EIF4E: variants seen among roughly 807,000 people sequenced by gnomAD.
The protein encoded by EIF4E is eIF-4F 25 kDa subunit.
For missense variants in EIF4E, 113 were observed against 265.6 expected, an observed-to-expected ratio of 0.43 and a Z score of 3.99; for synonymous variants, 71 against 88.5, an observed-to-expected ratio of 0.80 and a Z score of 1.11.
intron 1 of EIF4E, among the ~76,000 whole-genome samples, chr4:98,913,375 G>C (rs1375822147): frequency 1.3e-5 from 2 of 151,106 alleles, no homozygotes; most frequent in Non-Finnish European, 2.9e-5. Context: ...CTATTACTTA[G>C]GCTGGAGTGC....
chr4:98,917,083 AACACACACACACACACACACACACACAC>A (rs751653561), intron 1 of EIF4E, among the ~76,000 whole-genome samples: 11 of 102,928 alleles, frequency 1.1e-4, no homozygotes, highest in Non-Finnish European at 2.0e-4. Context: ...ACCTTTTCTA[AACACACACACACACACACACACACACAC>A]ACACACACAC....
At chr4:98,902,645 T>C (rs1724700744) in intron 1 of EIF4E, among the ~76,000 whole-genome samples, 1 of 152,120 alleles carries the variant, frequency 6.6e-6, no homozygotes, top group Admixed American at 6.5e-5. Context: ...ATACTGCATA[T>C]GGTACTGAAG....
At chr4:98,892,476 C>T (rs1724191682) in intron 2 of EIF4E, among the ~76,000 whole-genome samples, 1 of 151,454 alleles carries the variant, frequency 6.6e-6, no homozygotes, top group Non-Finnish European at 1.5e-5. Context: ...GTCAGGAGTT[C>T]GAGACCAGCC....
At chr4:98,893,066 A>G (rs1724224889) in intron 2 of EIF4E, among the ~76,000 whole-genome samples, 1 of 152,150 alleles carries the variant, frequency 6.6e-6, no homozygotes, top group South Asian at 2.1e-4. Flanking sequence ...AGTCACACAA[A>G]TTTTTTGGTT....
chr4:98,885,246 T>G (rs1331280221), intron 5 of EIF4E, among the ~76,000 whole-genome samples, 185 bp from the exon 6 acceptor site: 1 of 152,248 alleles, frequency 6.6e-6, no homozygotes, highest in Non-Finnish European at 1.5e-5. Context: ...TTCATTTATT[T>G]ACTATCAAAT....
chr4:98,919,337 A>G (rs559466255), intron 1 of EIF4E, among the ~76,000 whole-genome samples: 5 of 150,946 alleles, frequency 3.3e-5, no homozygotes, highest in African/African-American at 1.2e-4. Flanking sequence ...ACTAGCAAAA[A>G]AAAAAAAAAC....
chr4:98,889,736 T>G (rs566133038), intron 3 of EIF4E, among the ~76,000 whole-genome samples: 2 of 152,328 alleles, frequency 1.3e-5, no homozygotes, highest in African/African-American at 4.8e-5. Flanking sequence ...GGTAGAATTA[T>G]GTAAACTGGT....
intron 1 of EIF4E, among the ~76,000 whole-genome samples, chr4:98,911,740 T>C (rs1000323107): frequency 6.6e-6 from 1 of 151,098 alleles, no homozygotes; most frequent in Non-Finnish European, 1.5e-5. Flanking sequence ...TAAAGAACAT[T>C]CTTAAGGGAG....
intron 1 of EIF4E, chr4:98,909,621 C>G (rs1275654446): frequency 5.9e-6 from 4 of 681,866 alleles, no homozygotes; most frequent in Non-Finnish European, 1.1e-5. Context: ...TTTCTAAAAT[C>G]TGCCAAAGAA....
rs1285866525 is a variant in EIF4E at position 98,917,130 on chromosome 4, ACAC to A, written c.18+11962_18+11964del. ...CACACACACACACACACACACACAC[ACAC>A]AAAAAAAACCCAAATGCTCAAGTGT... is the stretch of plus-strand genomic sequence containing the variant. On this transcript the variant is annotated intron_variant, in intron 1 of 6. Transcript: ENST00000450253. 6.9e-3 allele frequency among the ~76,000 whole-genome samples: 281 copies of A among 41,006 alleles called. 2 individuals carry two copies. The highest frequency in any genetic ancestry group is 9.0e-3 in the South Asian group (17 of 1,898). The allele number at this position is 41,006 out of a possible 152,430, so 26.9% of individuals were successfully genotyped here.
chr4:98,900,899 T>G (rs1724615028), intron 2 of EIF4E, among the ~76,000 whole-genome samples: 1 of 152,188 alleles, frequency 6.6e-6, no homozygotes, highest in Non-Finnish European at 1.5e-5. Context: ...AAACTCCACA[T>G]TCCCTGGCTC....
At chr4:98,927,993 T>C (rs1397984654) in intron 1 of EIF4E, among the ~76,000 whole-genome samples, 2 of 152,104 alleles carry the variant, frequency 1.3e-5, no homozygotes, top group East Asian at 3.9e-4. Context: ...CAGTTAAGTT[T>C]AAAATGGTGC....
intron 6 of EIF4E, among the ~76,000 whole-genome samples, chr4:98,884,038 CA>C (rs11438126): frequency 1.9e-3 from 191 of 102,878 alleles, no homozygotes; most frequent in Non-Finnish European, 2.3e-3. Context: ...GACCCTGTCT[CA>C]AAAAAAAAAA....
chr4:98,899,154 CTTGGGTGAG>C (rs1325449713), intron 2 of EIF4E, among the ~76,000 whole-genome samples: 1 of 151,766 alleles, frequency 6.6e-6, no homozygotes, highest in Non-Finnish European at 1.5e-5. Context: ...ACTTCCCTGC[CTTGGGTGAG>C]TTAGCACTCT....
At position 98,917,128 on chromosome 4, in the gene EIF4E, AC is replaced by A. The variant is rs1560652660; in HGVS notation, c.18+11966del. On this transcript the variant is annotated intron_variant, in intron 1 of 6. Transcript: ENST00000450253. Reference sequence around the variant, plus strand: ...CACACACACACACACACACACACACACACACAAAAAAAACCCAAATGCTCAA... The same window carrying A: ...CACACACACACACACACACACACACAACACAAAAAAAACCCAAATGCTCAA... 5.1e-3 allele frequency among the ~76,000 whole-genome samples: 242 copies of A among 47,616 alleles called. 1 individual carries two copies. Among genetic ancestry groups the A allele is most frequent in the South Asian group, 7.9e-3 (17 of 2,140 alleles). The allele number at this position is 47,616 out of a possible 152,430, so 31.2% of individuals were successfully genotyped here. A position where few individuals can be genotyped will look rare whatever the true frequency, so the allele number is the denominator to read the frequency against.
intron 1 of EIF4E, among the ~76,000 whole-genome samples, chr4:98,912,794 T>G (rs980526233): frequency 7.9e-5 from 12 of 152,156 alleles, no homozygotes; most frequent in Non-Finnish European, 1.5e-4. Context: ...TATTTAAACG[T>G]TTATACATTT....
chr4:98,915,833 C>A (rs1056153905), intron 1 of EIF4E, among the ~76,000 whole-genome samples: 3 of 151,798 alleles, frequency 2.0e-5, no homozygotes, highest in Non-Finnish European at 4.4e-5. Context: ...TGAGCCACTG[C>A]GCCTGGCCGT....
intron 1 of EIF4E, among the ~76,000 whole-genome samples, chr4:98,921,407 T>C (rs1391682259): frequency 6.6e-6 from 1 of 151,976 alleles, no homozygotes. Flanking sequence ...CTCATTACAA[T>C]GACAGTAATG....
At chr4:98,917,831 T>G (rs1456717980) in intron 1 of EIF4E, among the ~76,000 whole-genome samples, 1 of 152,190 alleles carries the variant, frequency 6.6e-6, no homozygotes, top group Admixed American at 6.6e-5. Flanking sequence ...ATCACAGCAC[T>G]TTGGGAGGCC....
Sources: allele counts gnomAD v4.1 joint callset (sites outside exome capture counted in the v4.1 genomes callset), GRCh38; gene constraint gnomAD v4.1.1; transcripts MANE v1.5; gene names NCBI Gene and HGNC (gene_info 2026-07-23, HGNC 2026-07-21).